The following TCEA1 variants were observed in gnomAD, a reference collection of about 807,000 sequenced individuals.
TCEA1 encodes transcription elongation factor A1.
In TCEA1, 21 loss-of-function variants were observed where a neutral mutation model predicts 43.8. The observed-to-expected ratio is 0.48, with a 90% CI of 0.34 to 0.69. The LOEUF is 0.69. Ranked by LOEUF, TCEA1 falls within the 30% of genes least tolerant of loss-of-function variation. The pLI is 0.01. For missense variants in TCEA1, 250 were observed against 365.1 expected (o/e 0.68, Z 2.57); for synonymous variants, 104 against 117.5 (o/e 0.88, Z 0.75).
intron 9 of TCEA1, among the ~76,000 whole-genome samples, chr8:53,969,359 C>A (rs1803087839): frequency 6.6e-6 from 1 of 151,998 alleles, no homozygotes; most frequent in South Asian, 2.1e-4. Flanking sequence ...GTTGAAGAAG[C>A]CAAATGGATA....
At chr8:53,990,746 T>C (rs1434143365) in intron 4 of TCEA1, among the ~76,000 whole-genome samples, 1 of 152,208 alleles carries the variant, frequency 6.6e-6, no homozygotes, top group Non-Finnish European at 1.5e-5. Flanking sequence ...CCAAGGGAAA[T>C]TGCCCATATG....
At chr8:54,013,696 A>G (rs530389181) in intron 1 of TCEA1, among the ~76,000 whole-genome samples, 4 of 147,856 alleles carry the variant, frequency 2.7e-5, no homozygotes, top group African/African-American at 1.0e-4. Context: ...AAAAAAAAAA[A>G]AAAAAACAAA....
chr8:53,988,929 C>T (rs866412020), intron 4 of TCEA1, among the ~76,000 whole-genome samples: 1 of 151,990 alleles, frequency 6.6e-6, no homozygotes, highest in African/African-American at 2.4e-5. Context: ...ATTAGCTGGG[C>T]GTGGTGGCAC....
chr8:53,973,254 A>T (rs1374343179), intron 8 of TCEA1: 1 of 482,774 alleles, frequency 2.1e-6, no homozygotes, highest in Non-Finnish European at 3.9e-6. Flanking sequence ...AAAGAAAATG[A>T]TATGGAAATG....
intron 6 of TCEA1, among the ~76,000 whole-genome samples, 197 bp downstream of exon 6, chr8:53,986,771 GC>G (rs1469143129): frequency 6.6e-6 from 1 of 152,144 alleles, no homozygotes; most frequent in East Asian, 1.9e-4. Context: ...TGGAATCCCA[GC>G]CCTGTCAGTG....
Position 53,993,685 on chromosome 8 carries a change from A to G in TCEA1, c.303T>C (p.Pro101=), listed in dbSNP as rs1803956450. 1.2e-6 allele frequency: 2 copies of G among 1,613,414 alleles called. No individual in the cohort carries two copies. The highest frequency in any genetic ancestry group is 1.7e-6 in the Non-Finnish European group (2 of 1,179,606). The part of the protein sequence containing the change: ...KEPAITSQNS[P]EAREESTSSG... ...TGAAGTACCTTTCTTCTCTTGCCTC[A>G]GGGCTGTTCTGCGATGTAATTGCAG... is the stretch of plus-strand genomic sequence containing the variant. The change falls in exon 4 of 10, where the codon CCT becomes CCC. Residue 101 remains proline (P), a synonymous_variant. Transcript: ENST00000521604.
intron 8 of TCEA1, chr8:53,971,502 TG>T (rs1315697623): frequency 6.5e-6 from 1 of 152,820 alleles, no homozygotes; most frequent in Non-Finnish European, 1.5e-5. Context: ...TCCCAGCTAC[TG>T]GGGAGGCTGA....
intron 5 of TCEA1, 130 bp downstream of exon 5, chr8:53,987,984 T>C (rs1803742810): frequency 1.7e-6 from 2 of 1,148,330 alleles, no homozygotes; most frequent in Admixed American, 2.7e-5. Context: ...CAACAACTTC[T>C]CCCCAAGCTA....
intron 2 of TCEA1, among the ~76,000 whole-genome samples, chr8:54,004,324 T>A (rs889591207): frequency 6.6e-6 from 1 of 152,154 alleles, no homozygotes; most frequent in African/African-American, 2.4e-5. Flanking sequence ...TCACACAAAC[T>A]TGTATATAAA....
At chr8:53,978,057 A>G (rs1803386402) in intron 8 of TCEA1, among the ~76,000 whole-genome samples, 1 of 152,174 alleles carries the variant, frequency 6.6e-6, no homozygotes, top group Non-Finnish European at 1.5e-5. Context: ...TATTTCTGTG[A>G]AAGTATAAAT....
chr8:54,020,713 A>G (rs781082325), intron 1 of TCEA1, among the ~76,000 whole-genome samples: 3 of 152,214 alleles, frequency 2.0e-5, no homozygotes, highest in Non-Finnish European at 4.4e-5. Flanking sequence ...GTCACAAAAG[A>G]ATTTTGAGCA....
intron 2 of TCEA1, among the ~76,000 whole-genome samples, chr8:54,000,459 G>C (rs540112328): frequency 6.6e-6 from 1 of 152,302 alleles, no homozygotes; most frequent in African/African-American, 2.4e-5. Flanking sequence ...TAGAGCACCA[G>C]CTGCAAATTA....
intron 1 of TCEA1, among the ~76,000 whole-genome samples, chr8:54,015,891 T>C (rs1391411584): frequency 6.6e-6 from 1 of 152,108 alleles, no homozygotes; most frequent in East Asian, 1.9e-4. Flanking sequence ...TATTTCTCCA[T>C]AGAAGATATG....
At chr8:53,980,916 A>G (rs1357006712) in intron 7 of TCEA1, among the ~76,000 whole-genome samples, 1 of 152,248 alleles carries the variant, frequency 6.6e-6, no homozygotes, top group Non-Finnish European at 1.5e-5. Context: ...CTTGATGGAA[A>G]TTAAAAGTGC....
chr8:53,968,804 T>A (rs1267923135), intron 9 of TCEA1, among the ~76,000 whole-genome samples: 1 of 151,824 alleles, frequency 6.6e-6, no homozygotes, highest in Non-Finnish European at 1.5e-5. Flanking sequence ...ACAAAAAAGA[T>A]CCATCATGCA....
At chr8:53,976,772 G>T (rs1265563724) in intron 8 of TCEA1, among the ~76,000 whole-genome samples, 1 of 152,140 alleles carries the variant, frequency 6.6e-6, no homozygotes, top group Non-Finnish European at 1.5e-5. Flanking sequence ...CTGATTAAAA[G>T]AAAATAGAGC....
In TCEA1 at chr8:53,984,526, C is replaced by A; in HGVS notation, c.524-9G>T. On this transcript the variant is annotated splice_polypyrimidine_tract_variant and intron_variant, in intron 6 of 9. Coordinates refer to ENST00000521604, the MANE Select transcript of TCEA1 (RefSeq NM_006756.4). Reference sequence around the variant, plus strand: ...TATTTCTTGATATATAGGTACCAGGCCGTTAAGGAAAAAAGGCAAAATTAC... The same window carrying A: ...TATTTCTTGATATATAGGTACCAGGACGTTAAGGAAAAAAGGCAAAATTAC... 1.9e-6 allele frequency: 3 copies of A among 1,542,834 alleles called. No individual in the cohort carries two copies. The highest frequency in any genetic ancestry group is 2.6e-6 in the Non-Finnish European group (3 of 1,149,350).
chr8:54,012,962 CAAAAA>C (rs72062714), intron 1 of TCEA1, among the ~76,000 whole-genome samples: 36 of 76,970 alleles, frequency 4.7e-4, no homozygotes, highest in African/African-American at 1.4e-3. Context: ...ACGACGACGA[CAAAAA>C]AAAAAAAAAA....
At chr8:53,987,293 C>T (rs961880078) in intron 5 of TCEA1, among the ~76,000 whole-genome samples, 1 of 152,176 alleles carries the variant, frequency 6.6e-6, no homozygotes, top group Non-Finnish European at 1.5e-5. Flanking sequence ...ATTCATTTTT[C>T]GTAACTCCAT....
Sources: gnomAD v4.1 joint callset for allele counts (sites outside exome capture counted in the v4.1 genomes callset) on GRCh38, gnomAD v4.1.1 for gene constraint, MANE v1.5 for transcripts, NCBI Gene and HGNC (gene_info 2026-07-23, HGNC 2026-07-21) for gene names.